Variants in DEPTOR observed in about 807,000 individuals in gnomAD.
DEPTOR encodes the protein DEP domain containing MTOR interacting protein, also known as DEP domain-containing mTOR-interacting protein.
In DEPTOR, 41 loss-of-function variants were observed where a neutral mutation model predicts 41.6. The ratio of observed to expected loss-of-function variants is 0.98; its 90% CI spans 0.77 to 1.28. The LOEUF is 1.28. Ranked by LOEUF, DEPTOR falls within the 50% of genes most tolerant of loss-of-function variation. DEPTOR has a pLI of 0.00. For synonymous variants in DEPTOR, 195 were observed against 192.3 expected (o/e 1.01, Z -0.12); for missense variants, 514 against 527.9 (o/e 0.97, Z 0.26).
chr8:119,978,159 T>G (rs1246800097), intron 4 of DEPTOR, among the ~76,000 whole-genome samples: 2 of 152,200 alleles, frequency 1.3e-5, no homozygotes, highest in African/African-American at 4.8e-5. Context: ...GGTCCTCACT[T>G]TGCCCAAGCA....
rs1423159657 is a variant in DEPTOR at position 120,024,052 on chromosome 8, A to T, written c.1101+14919A>T. On this transcript the variant is annotated intron_variant, in intron 8 of 8. Coordinates refer to ENST00000286234, the MANE Select transcript of DEPTOR (RefSeq NM_022783.4). ...GGAGTTTGAGACTAGCCTGGCCAAC[A>T]TGGCAAAACCCTATCTGTACTAAAA... Among the ~76,000 whole-genome samples the T allele has an allele frequency of 2.6e-5, 4 of 152,112 alleles. No homozygotes were observed. The East Asian group carries it at 7.7e-4, about 29-fold the overall frequency.
At chr8:119,958,620 A>G (rs1053757576) in intron 3 of DEPTOR, among the ~76,000 whole-genome samples, 2 of 152,010 alleles carry the variant, frequency 1.3e-5, no homozygotes, top group Admixed American at 1.3e-4. Context: ...CATCTCTACT[A>G]AAAATACAAA....
chr8:120,028,741 G>A (rs1310056374), intron 8 of DEPTOR, among the ~76,000 whole-genome samples: 1 of 151,476 alleles, frequency 6.6e-6, no homozygotes, highest in East Asian at 2.0e-4. Flanking sequence ...AGGATTATAG[G>A]CATGAACCAC....
Position 119,879,420 on chromosome 8 carries a change from C to A in DEPTOR, c.122+5452C>A, listed in dbSNP as rs943621658. 5.3e-5 allele frequency among the ~76,000 whole-genome samples: 8 copies of A among 152,240 alleles called. No homozygotes were observed. The South Asian group carries it at 1.0e-3, about 20-fold the overall frequency. ...TCATAGCAGTACTATTCATAATAAT[C>A]AAAAACAGGGCTGAGTGCAGTGGCT... On this transcript the variant is annotated intron_variant, in intron 1 of 8. Transcript: ENST00000286234.
chr8:119,979,445 T>C (rs1035481455), intron 4 of DEPTOR, among the ~76,000 whole-genome samples: 2 of 152,010 alleles, frequency 1.3e-5, no homozygotes, highest in Admixed American at 1.3e-4. Flanking sequence ...GTATTTTTCA[T>C]AGAGACAGGG....
At chr8:119,961,826 A>G (rs1407858658) in intron 3 of DEPTOR, among the ~76,000 whole-genome samples, 1 of 152,206 alleles carries the variant, frequency 6.6e-6, no homozygotes, top group Non-Finnish European at 1.5e-5. Flanking sequence ...AAAGGAAATG[A>G]AAGTTTTTAA....
At chr8:119,906,971 T>A (rs1225378747) in intron 1 of DEPTOR, among the ~76,000 whole-genome samples, 2 of 152,154 alleles carry the variant, frequency 1.3e-5, no homozygotes, top group Non-Finnish European at 2.9e-5. Flanking sequence ...TTGGCAGGGA[T>A]GAAAGGACTG....
At chr8:119,913,615 A>G (rs1827774112) in intron 1 of DEPTOR, among the ~76,000 whole-genome samples, 1 of 152,192 alleles carries the variant, frequency 6.6e-6, no homozygotes, top group South Asian at 2.1e-4. Flanking sequence ...CATATTCCTC[A>G]GATAAAAGGT....
rs865978799 is a variant in DEPTOR, at chr8:119,907,546, C to A, written c.123-20854C>A. Among the ~76,000 whole-genome samples, 3 of 152,172 alleles carry A rather than the reference C, an allele frequency of 2.0e-5. No individual in the cohort carries two copies. In the South Asian group the frequency reaches 6.2e-4, roughly 32 times the overall value. On this transcript the variant is annotated intron_variant, in intron 1 of 8. Coordinates refer to ENST00000286234, the MANE Select transcript of DEPTOR (RefSeq NM_022783.4). Reference sequence around the variant, plus strand: ...TTTAGGTAGAGAAAGAAAATAAGGGCCAGTGTGGTGGACTTTGGGAGACCG... The same window carrying A: ...TTTAGGTAGAGAAAGAAAATAAGGGACAGTGTGGTGGACTTTGGGAGACCG...
chr8:119,964,299 G>A (rs1338282998), intron 3 of DEPTOR, among the ~76,000 whole-genome samples: 1 of 151,978 alleles, frequency 6.6e-6, no homozygotes, highest in Admixed American at 6.6e-5. Flanking sequence ...GGCGGATCAC[G>A]AGGTCAGGAG....
rs145286186 is a variant in DEPTOR at position 119,922,032 on chromosome 8, G to A, written c.123-6368G>A. 5.0e-3 allele frequency among the ~76,000 whole-genome samples: 764 copies of A among 151,990 alleles called. 3 individuals carry two copies. The highest frequency in any genetic ancestry group is 8.1e-3 in the Non-Finnish European group (552 of 67,972). ...GTGGGTGGATCACCTGAGGTCAGGCGTTTGAGACCAGCCTAGCCAACATGA... is the reference window on the plus strand; with the variant it reads ...GTGGGTGGATCACCTGAGGTCAGGCATTTGAGACCAGCCTAGCCAACATGA... On this transcript the variant is annotated intron_variant, in intron 1 of 8. Coordinates refer to ENST00000286234, the MANE Select transcript of DEPTOR (RefSeq NM_022783.4).
intron 1 of DEPTOR, among the ~76,000 whole-genome samples, chr8:119,890,275 GTTTT>G (rs901871260): frequency 2.8e-4 from 16 of 58,150 alleles, no homozygotes; most frequent in East Asian, 1.4e-3. Flanking sequence ...TGTTATATGA[GTTTT>G]TTTGTTTGTT....
At chr8:119,952,759 A>G (rs973215072) in intron 3 of DEPTOR, among the ~76,000 whole-genome samples, 1 of 152,180 alleles carries the variant, frequency 6.6e-6, no homozygotes, top group Non-Finnish European at 1.5e-5. Flanking sequence ...TGTAGTTTCA[A>G]TTTCTTCAGG....
At chr8:119,993,879 G>A (rs1026010826) in intron 4 of DEPTOR, among the ~76,000 whole-genome samples, 1 of 151,906 alleles carries the variant, frequency 6.6e-6, no homozygotes, top group East Asian at 1.9e-4. Context: ...GGCTGAGGCC[G>A]GGTGCGGTGG....
At chr8:119,933,125 T>G (rs1175677816) in intron 3 of DEPTOR, among the ~76,000 whole-genome samples, 2 of 152,058 alleles carry the variant, frequency 1.3e-5, no homozygotes, top group Non-Finnish European at 2.9e-5. Flanking sequence ...CTGTTCCCTC[T>G]GCCTAGAGGA....
Position 119,965,280 on chromosome 8 carries a change from G to T in DEPTOR, c.474G>T (p.Gly158=), listed in dbSNP as rs750840485. 6.2e-7 allele frequency: 1 copy of T among 1,614,132 alleles called. No homozygotes were observed. The part of the protein sequence containing the change: ...NTLLQPREEE[G]VKYERTFMAS... ...TCCTGCAGCCCAGGGAGGAGGAAGG[G>T]GTCAAGTATGAGCGCACCTTCATGG... is the stretch of plus-strand genomic sequence containing the variant. Residue 158 remains glycine (G), a synonymous_variant, in exon 4 of 9, where the codon GGG becomes GGT. Transcript: ENST00000286234.
intron 8 of DEPTOR, among the ~76,000 whole-genome samples, chr8:120,010,650 A>T (rs538407266): frequency 6.6e-6 from 1 of 152,010 alleles, no homozygotes; most frequent in South Asian, 2.1e-4. Flanking sequence ...AAACACACAT[A>T]TACAGTCAAG....
At chr8:120,003,334 ACCTCT>A (rs1418931950) in intron 6 of DEPTOR, among the ~76,000 whole-genome samples, 2 of 151,950 alleles carry the variant, frequency 1.3e-5, no homozygotes, top group African/African-American at 4.8e-5. Flanking sequence ...ACCCAGTAAG[ACCTCT>A]GGAGCTGGGA....
At chr8:119,921,748 G>GTTTTTTTTTTTTTTT (rs1282897659) in intron 1 of DEPTOR, among the ~76,000 whole-genome samples, 6 of 131,134 alleles carry the variant, frequency 4.6e-5, no homozygotes, top group South Asian at 2.7e-4. Context: ...CTATTCTGTA[G>GTTTTTTTTTTTTTTT]TTTTTTTTTT....
Sources: gnomAD v4.1 joint callset for allele counts (sites outside exome capture counted in the v4.1 genomes callset) on GRCh38, gnomAD v4.1.1 for gene constraint, MANE v1.5 for transcripts, NCBI Gene and HGNC (gene_info 2026-07-23, HGNC 2026-07-21) for gene names.